Variants in DAB2IP observed in about 807,000 individuals in gnomAD.
DAB2IP encodes DAB2 interacting protein.
Under a neutral mutation model 107.2 loss-of-function variants are expected in DAB2IP, and 28 were observed. The observed-to-expected ratio is 0.26, with a 90% confidence interval of 0.19 to 0.36. DAB2IP has a LOEUF of 0.36. Ranked by LOEUF, DAB2IP falls within the 10% of genes least tolerant of loss-of-function variation. The pLI, the probability that DAB2IP is intolerant of heterozygous loss-of-function variation, is 1.00. For missense variants in DAB2IP, 1,400 were observed against 1,644.7 expected, an observed-to-expected ratio of 0.85 and a Z score of 2.57; for synonymous variants, 755 against 706.4, an observed-to-expected ratio of 1.07 and a Z score of -1.09.
At chr9:121,642,091 C>CT (rs1314744194) in intron 1 of DAB2IP, among the ~76,000 whole-genome samples, 5 of 130,660 alleles carry the variant, frequency 3.8e-5, no homozygotes, top group East Asian at 2.2e-4. Context: ...TTCTCACTTT[C>CT]TTTTTTTTTG....
In DAB2IP at chr9:121,608,376, C is replaced by T. The variant is rs144478389; in HGVS notation, c.40+41148C>T. ...TTAGGAGAAGCCAGATGAGAGTCAACAGGCTCCAGGAGGGAAGCGGGTTGG... is the reference window on the plus strand; with the variant it reads ...TTAGGAGAAGCCAGATGAGAGTCAATAGGCTCCAGGAGGGAAGCGGGTTGG... On this transcript the variant is annotated intron_variant, in intron 1 of 16. Transcript: ENST00000259371. Among the ~76,000 whole-genome samples, 11 of 152,270 alleles carry T rather than the reference C, an allele frequency of 7.2e-5. No homozygotes were observed. In the East Asian group the frequency reaches 1.3e-3, roughly 19 times the overall value.
intron 2 of DAB2IP, among the ~76,000 whole-genome samples, chr9:121,683,113 G>T (rs1348809951): frequency 6.6e-6 from 1 of 152,184 alleles, no homozygotes; most frequent in Non-Finnish European, 1.5e-5. Context: ...CAGGCAGCAA[G>T]CTGGGGCCCT....
chr9:121,632,540 G>T (rs1363287746), intron 1 of DAB2IP, among the ~76,000 whole-genome samples: 1 of 151,938 alleles, frequency 6.6e-6, no homozygotes, highest in Non-Finnish European at 1.5e-5. Context: ...CCCCTCCCCT[G>T]CCCTCACCTC....
chr9:121,774,263 C>A, exon 13 of DAB2IP: 1 of 1,610,188 alleles, frequency 6.2e-7, no homozygotes, highest in Non-Finnish European at 8.5e-7. Context: ...ATTGTAGGGC[C>A]CTTCACCTGT....
At chr9:121,774,848 C>G (rs1438759842) in intron 13 of DAB2IP, among the ~76,000 whole-genome samples, 1 of 152,142 alleles carries the variant, frequency 6.6e-6, no homozygotes, top group Non-Finnish European at 1.5e-5. Flanking sequence ...AGAGCCACCC[C>G]AGCCTGGCCC....
At chr9:121,725,809 A>G (rs758910091) in intron 3 of DAB2IP, among the ~76,000 whole-genome samples, 2 of 152,058 alleles carry the variant, frequency 1.3e-5, no homozygotes, top group Non-Finnish European at 2.9e-5. Flanking sequence ...GAGTGCAAGG[A>G]ATAGAGGGGA....
intron 1 of DAB2IP, among the ~76,000 whole-genome samples, chr9:121,594,301 G>A (rs533746842): frequency 3.3e-5 from 5 of 149,972 alleles, no homozygotes; most frequent in Non-Finnish European, 7.4e-5. Flanking sequence ...CAAATGGTGC[G>A]ATCTTGGCTC....
At chr9:121,570,224 C>T (rs1035519333) in intron 1 of DAB2IP, among the ~76,000 whole-genome samples, 9 of 151,168 alleles carry the variant, frequency 6.0e-5, no homozygotes, top group African/African-American at 1.2e-4. Context: ...TCCATCCTCC[C>T]ACCTCAGCCT....
At chr9:121,746,082 G>A (rs114398148) in intron 3 of DAB2IP, among the ~76,000 whole-genome samples, 7 of 152,126 alleles carry the variant, frequency 4.6e-5, no homozygotes, top group Non-Finnish European at 7.4e-5. Flanking sequence ...GCTCAGCTGT[G>A]GGGGGAGAGT....
intron 3 of DAB2IP, among the ~76,000 whole-genome samples, chr9:121,749,270 T>C (rs1449276551): frequency 2.6e-5 from 4 of 152,238 alleles, no homozygotes; most frequent in Non-Finnish European, 5.9e-5. Context: ...CCTGTTTATG[T>C]CCTGCCGTTT....
chr9:121,698,441 G>A lies in DAB2IP; in HGVS notation c.229-884G>A, dbSNP rs1430664973. Among the ~76,000 whole-genome samples, 1 of 152,202 alleles carries A rather than the reference G, an allele frequency of 6.6e-6. No homozygotes were observed. Among genetic ancestry groups the A allele is most frequent in the African/African-American group, 2.4e-5 (1 of 41,450 alleles). On this transcript the variant is annotated intron_variant, in intron 2 of 15. Transcript: ENST00000408936. The surrounding 1 kb of genome is among the most constrained non-coding windows in gnomAD (Gnocchi z 4.1). ...CAGGAGCTCTTGGGATGGGGGAGGT[G>A]GGGGATTAAGCTCTGTTTTCAGTCA...
chr9:121,669,231 C>T (rs1317960032), intron 1 of DAB2IP, among the ~76,000 whole-genome samples: 1 of 152,102 alleles, frequency 6.6e-6, no homozygotes, highest in East Asian at 1.9e-4. Flanking sequence ...CGCGCCCAGC[C>T]AGCCTTACTT....
At chr9:121,637,789 G>A (rs1832142242) in intron 1 of DAB2IP, among the ~76,000 whole-genome samples, 3 of 152,190 alleles carry the variant, frequency 2.0e-5, no homozygotes, top group Non-Finnish European at 2.9e-5. Context: ...AAGATAATGG[G>A]GGAATTTATA....
chr9:121,597,719 G>C (rs1830559713), intron 1 of DAB2IP, among the ~76,000 whole-genome samples: 1 of 152,192 alleles, frequency 6.6e-6, no homozygotes, highest in Non-Finnish European at 1.5e-5. Context: ...GAGGCAGAAG[G>C]TAAAACTGAG....
At chr9:121,656,803 T>G (rs1189164146) in intron 1 of DAB2IP, among the ~76,000 whole-genome samples, 1 of 152,238 alleles carries the variant, frequency 6.6e-6, no homozygotes, top group Non-Finnish European at 1.5e-5. Context: ...GAGGAGACTG[T>G]AGCCCAGAGA....
intron 1 of DAB2IP, among the ~76,000 whole-genome samples, chr9:121,605,295 A>G (rs1414132052): frequency 2.6e-5 from 4 of 152,142 alleles, no homozygotes; most frequent in African/African-American, 7.2e-5. Context: ...TGTTGATTAC[A>G]GGCATGAGCC....
At chr9:121,649,898 G>A (rs1368388958), upstream of DAB2IP, among the ~76,000 whole-genome samples, 4 of 152,224 alleles carry the variant, frequency 2.6e-5, no homozygotes, top group South Asian at 2.1e-4. Context: ...CTCCAAGCTT[G>A]TCTGACCTGC....
At chr9:121,721,764 T>G (rs1830949031) in intron 3 of DAB2IP, among the ~76,000 whole-genome samples, 1 of 152,270 alleles carries the variant, frequency 6.6e-6, no homozygotes, top group Non-Finnish European at 1.5e-5. Context: ...TTAAAGACCT[T>G]TATCTTAAAG....
intron 1 of DAB2IP, among the ~76,000 whole-genome samples, chr9:121,579,330 C>G (rs1295656040): frequency 1.3e-5 from 2 of 152,124 alleles, no homozygotes; most frequent in Non-Finnish European, 1.5e-5. Flanking sequence ...TCCTACCCCC[C>G]CACCCTGAGG....
Sources: gnomAD v4.1 joint callset for allele counts (sites outside exome capture counted in the v4.1 genomes callset) on GRCh38, gnomAD v4.1.1 for gene constraint, Gnocchi (gnomAD v3.1) non-coding constraint, MANE v1.5 for transcripts, NCBI Gene and HGNC (gene_info 2026-07-23, HGNC 2026-07-21) for gene names.